The following ADAM7 variants were observed in gnomAD, a reference collection of about 807,000 sequenced individuals.
The protein encoded by ADAM7 is disintegrin and metalloproteinase domain-containing protein 7.
In ADAM7, 97 loss-of-function variants were observed where a neutral mutation model predicts 102.9. The observed-to-expected ratio is 0.94, with a 90% CI of 0.80 to 1.12. The LOEUF is 1.12. ADAM7 is among the 50% of genes most tolerant of loss of function. The pLI is 0.00. For missense variants in ADAM7, 991 were observed against 908.7 expected, an observed-to-expected ratio of 1.09 and a Z score of -1.16; for synonymous variants, 334 against 304.4, an observed-to-expected ratio of 1.10 and a Z score of -1.01.
chr8:24,474,938 T>C (rs1819720581), intron 7 of ADAM7, among the ~76,000 whole-genome samples: 2 of 151,978 alleles, frequency 1.3e-5, no homozygotes, highest in South Asian at 2.1e-4. Context: ...AAGAGAAGGA[T>C]AGAAAATTTG....
intron 3 of ADAM7, among the ~76,000 whole-genome samples, chr8:24,458,985 C>T (rs1474587972): frequency 6.6e-6 from 1 of 151,526 alleles, no homozygotes; most frequent in East Asian, 1.9e-4. Context: ...GATGGCTATT[C>T]TGTGTTTTTA....
At chr8:24,487,106 C>A in intron 10 of ADAM7, 81 bp from the exon 11 acceptor site, 1 of 1,430,396 alleles carries the variant, frequency 7.0e-7, no homozygotes, top group East Asian at 2.5e-5. Flanking sequence ...GAAGCCAGGT[C>A]TTTCAACCAC....
intron 3 of ADAM7, among the ~76,000 whole-genome samples, chr8:24,447,596 A>G (rs1818609132): frequency 6.6e-6 from 1 of 152,216 alleles, no homozygotes; most frequent in Admixed American, 6.5e-5. Flanking sequence ...CATGGTTTTT[A>G]AAATGACTTC....
At chr8:24,462,069 G>A (rs1044368216) in intron 3 of ADAM7, among the ~76,000 whole-genome samples, 1 of 152,186 alleles carries the variant, frequency 6.6e-6, no homozygotes, top group African/African-American at 2.4e-5. Flanking sequence ...CAATCTGAAT[G>A]TTGTGTGAAA....
At chr8:24,441,222 C>T in intron 1 of ADAM7, 62 bp downstream of exon 1, 1 of 1,494,928 alleles carries the variant, frequency 6.7e-7, no homozygotes, top group South Asian at 1.1e-5. Context: ...TCTCTTTAGT[C>T]ACAAACTTTA....
At chr8:24,456,632 ATTTTTTT>A (rs71212541) in intron 3 of ADAM7, among the ~76,000 whole-genome samples, 1 of 136,984 alleles carries the variant, frequency 7.3e-6, no homozygotes, top group Non-Finnish European at 1.6e-5. Context: ...TGTCCTGGGA[ATTTTTTT>A]TTTTTTTTTT....
intron 8 of ADAM7, 115 bp downstream of exon 8, chr8:24,476,619 A>T: frequency 1.5e-6 from 1 of 652,202 alleles, no homozygotes; most frequent in South Asian, 4.0e-5. Context: ...TACAAAGCAC[A>T]AAGACTAATA....
At chr8:24,500,407 T>C in intron 18 of ADAM7, 151 bp downstream of exon 18, 1 of 643,306 alleles carries the variant, frequency 1.6e-6, no homozygotes, top group East Asian at 2.7e-5. Context: ...CCAAATTGAT[T>C]TTACTGCAAT....
rs530586575 is a variant in ADAM7, at chr8:24,464,653, C to T, written c.312+693C>T. Among the ~76,000 whole-genome samples the T allele has an allele frequency of 5.1e-4, 78 of 152,340 alleles. 3 individuals carry two copies. The South Asian group carries it at 0.01, about 20-fold the overall frequency. On this transcript the variant is annotated intron_variant, in intron 4 of 21. Coordinates refer to ENST00000175238, the MANE Select transcript of ADAM7 (RefSeq NM_003817.4). ...GCCTCACTCTGTTGCCAGGCTGGAG[C>T]GCAGTGGTGCAATCTCAGCTCACTG...
At chr8:24,480,690 C>A (rs892695563) in intron 8 of ADAM7, among the ~76,000 whole-genome samples, 1 of 152,036 alleles carries the variant, frequency 6.6e-6, no homozygotes, top group Non-Finnish European at 1.5e-5. Context: ...GAAAATCCCA[C>A]GTTAAAATAA....
intron 7 of ADAM7, among the ~76,000 whole-genome samples, chr8:24,471,836 AT>A (rs1222323108): frequency 6.6e-6 from 1 of 152,040 alleles, no homozygotes; most frequent in Non-Finnish European, 1.5e-5. Context: ...ATTAGAGTAA[AT>A]ATAACAATTA....
intron 3 of ADAM7, among the ~76,000 whole-genome samples, chr8:24,454,676 T>A (rs536415712): frequency 6.6e-6 from 1 of 152,084 alleles, no homozygotes; most frequent in East Asian, 1.9e-4. Flanking sequence ...CTGCGCCCAC[T>A]GTCTGGCACT....
Position 24,441,032 on chromosome 8 carries a change from G to T in ADAM7, c.-77G>T. 1.5e-6 allele frequency: 2 copies of T among 1,364,644 alleles called. No homozygotes were observed. Among genetic ancestry groups the T allele is most frequent in the Non-Finnish European group, 2.1e-6 (2 of 954,904 alleles). The allele number at this position is 1,364,644 out of a possible 1,614,324, so 84.5% of individuals were successfully genotyped here. A position where few individuals can be genotyped will look rare whatever the true frequency, so the allele number is the denominator to read the frequency against. ...CCTATCTGTGAGGTGCTTCATCCCT[G>T]CAGTGGAAGTGAGGAGGAAGAAAGG... On this transcript the variant is annotated 5_prime_UTR_variant, in exon 1 of 22. Coordinates refer to ENST00000175238, the MANE Select transcript of ADAM7 (RefSeq NM_003817.4).
intron 20 of ADAM7, 130 bp downstream of exon 20, chr8:24,501,706 C>A: frequency 1.7e-6 from 1 of 586,614 alleles, no homozygotes; most frequent in Non-Finnish European, 2.9e-6. Context: ...AACATGGTTC[C>A]ACACACATGA....
chr8:24,459,315 T>G (rs1303980762), intron 3 of ADAM7, among the ~76,000 whole-genome samples: 2 of 152,002 alleles, frequency 1.3e-5, no homozygotes, highest in African/African-American at 4.8e-5. Context: ...CATAATATTA[T>G]CTTATAATTT....
In ADAM7 at chr8:24,493,144, C is replaced by T. The variant is rs760067610; in HGVS notation, c.1757C>T (p.Thr586Ile). Residue 586 changes from threonine (T) to isoleucine (I), a missense_variant, in exon 16 of 22, where the codon ACT (threonine) becomes ATT (isoleucine). Physicochemically the swap from Thr to Ile is moderately conservative, Grantham distance 89. Transcript: ENST00000175238. ...CTTAAGGATCCCCAGAAGAATGCTA[C>T]TGTCAAATGCAAAACTATTTTTTTA... ...YHLKDPQKNA[T>I]VKCKTIFLYH... 49 of 1,613,330 alleles carry T rather than the reference C, an allele frequency of 3.0e-5. No individual in the cohort carries two copies. The highest frequency in any genetic ancestry group is 3.8e-5 in the Non-Finnish European group (45 of 1,179,672).
rs749232973 is a variant in ADAM7, at chr8:24,447,210, T to C, written c.181T>C (p.Tyr61His). 3.2e-6 allele frequency: 5 copies of C among 1,555,604 alleles called. No homozygotes were observed. The East Asian group carries it at 9.3e-5, about 29-fold the overall frequency. ...GAAAACGTATGAAGAAGAATTGTTGTATGAAATAAAACTAAATAGAAAAAC... is the reference window on the plus strand; with the variant it reads ...GAAAACGTATGAAGAAGAATTGTTGCATGAAATAAAACTAAATAGAAAAAC... ...ILKTYEEELL[Y>H]EIKLNRKTLV... The change falls in exon 3 of 22, where the codon TAT (tyrosine) becomes CAT (histidine). Residue 61 changes from tyrosine to histidine, a missense_variant. Coordinates refer to ENST00000175238, the MANE Select transcript of ADAM7 (RefSeq NM_003817.4).
chr8:24,504,455 T>C (rs965950323), intron 20 of ADAM7, among the ~76,000 whole-genome samples: 2 of 148,858 alleles, frequency 1.3e-5, no homozygotes, highest in Non-Finnish European at 3.0e-5. Context: ...AAAAAAAAAA[T>C]AGCTGATGAA....
At chr8:24,449,781 A>T (rs1818709872) in intron 3 of ADAM7, among the ~76,000 whole-genome samples, 1 of 152,194 alleles carries the variant, frequency 6.6e-6, no homozygotes, top group African/African-American at 2.4e-5. Flanking sequence ...TTATGGCTTT[A>T]GGTCTAAAGT....
Sources: gnomAD v4.1 joint callset for allele counts (sites outside exome capture counted in the v4.1 genomes callset) on GRCh38, gnomAD v4.1.1 for gene constraint, MANE v1.5 for transcripts, NCBI Gene and HGNC (gene_info 2026-07-23, HGNC 2026-07-21) for gene names.